Variants in SYBU observed in about 807,000 individuals in gnomAD.
The protein encoded by SYBU is syntabulin.
SYBU carries 21 observed loss-of-function variants against 35.9 expected under a neutral mutation model. That is an observed-to-expected ratio of 0.58 (90% CI 0.41 to 0.84). SYBU has a LOEUF of 0.84. Among genes scored for constraint, SYBU ranks in the 40% least tolerant of loss-of-function variants. SYBU has a pLI of 0.00. For synonymous variants in SYBU, 319 were observed against 324.3 expected (o/e 0.98, Z 0.18); for missense variants, 768 against 848.2 (o/e 0.91, Z 1.17).
intron 3 of SYBU, among the ~76,000 whole-genome samples, chr8:109,613,033 A>C (rs1001237024): frequency 6.6e-6 from 1 of 151,722 alleles, no homozygotes; most frequent in African/African-American, 2.4e-5. Flanking sequence ...AAAGGAAAAA[A>C]AGCACCACCT....
chr8:109,594,140 G>A (rs1824596290), intron 3 of SYBU, among the ~76,000 whole-genome samples: 1 of 152,196 alleles, frequency 6.6e-6, no homozygotes, highest in Non-Finnish European at 1.5e-5. Context: ...CCTACATCAG[G>A]AAGAGCAGCA....
chr8:109,685,900 C>A (rs1655605575), upstream of SYBU, among the ~76,000 whole-genome samples: 2 of 151,968 alleles, frequency 1.3e-5, no homozygotes, highest in African/African-American at 4.8e-5. Context: ...AAATTGACAA[C>A]CTTTAAATAT....
intron 4 of SYBU, chr8:109,580,239 A>G (rs77950894): frequency 0.017 from 8,353 of 503,042 alleles, 584 homozygotes; most frequent in African/African-American, 0.15. Flanking sequence ...GTTTCTGACC[A>G]TAAAGCTTTT....
chr8:109,575,775 T>G lies in SYBU; in HGVS notation c.1123A>C (p.Ser375Arg), dbSNP rs770126790. ...QNKKLESLLQSMEMAHSGSLR... is the reference protein window; with the variant it reads ...QNKKLESLLQRMEMAHSGSLR... ...GAGCCACTGTGTGCCATCTCCATGC[T>G]CTGAAGGAGAGACTCCAGCTTCTTG... The change falls in exon 7 of 7, where the codon AGC (serine) becomes CGC (arginine). Residue 375 changes from serine (S) to arginine (R), a missense_variant. Transcript: ENST00000276646. 6.2e-7 allele frequency: 1 copy of G among 1,614,036 alleles called. No homozygotes were observed. Among genetic ancestry groups the G allele is most frequent in the Non-Finnish European group, 8.5e-7 (1 of 1,180,026 alleles).
chr8:109,641,764 AAC>A (rs1232418342), intron 2 of SYBU, among the ~76,000 whole-genome samples: 1 of 152,258 alleles, frequency 6.6e-6, no homozygotes, highest in Admixed American at 6.5e-5. Flanking sequence ...CATCTTTAAA[AAC>A]AGTCATAGAA....
At chr8:109,635,623 A>T (rs1814139151) in intron 2 of SYBU, among the ~76,000 whole-genome samples, 1 of 152,198 alleles carries the variant, frequency 6.6e-6, no homozygotes, top group Non-Finnish European at 1.5e-5. Flanking sequence ...TTATTCATTC[A>T]GTGGAGATTT....
intron 2 of SYBU, among the ~76,000 whole-genome samples, chr8:109,638,791 T>C (rs111389635): frequency 9.9e-5 from 15 of 152,080 alleles, no homozygotes; most frequent in Admixed American, 2.6e-4. Context: ...AAGACTAGAA[T>C]GATGTCCAAG....
At chr8:109,598,643 A>G (rs939537008) in intron 3 of SYBU, among the ~76,000 whole-genome samples, 1 of 152,204 alleles carries the variant, frequency 6.6e-6, no homozygotes, top group Non-Finnish European at 1.5e-5. Context: ...CTAAACACTA[A>G]ATTTTTCTAA....
At chr8:109,654,601 G>A (rs1276557379) in intron 1 of SYBU, among the ~76,000 whole-genome samples, 1 of 152,086 alleles carries the variant, frequency 6.6e-6, no homozygotes, top group Non-Finnish European at 1.5e-5. Context: ...TTTACAGGCA[G>A]ATCTTATAGA....
chr8:109,576,042 T>C, intron 6 of SYBU, 29 bp from the exon 7 acceptor site: 1 of 844,638 alleles, frequency 1.2e-6, no homozygotes, highest in Non-Finnish European at 1.5e-6. Flanking sequence ...CATGGTTAAT[T>C]AAAAAAAAAA....
intron 1 of SYBU, among the ~76,000 whole-genome samples, chr8:109,679,803 C>A (rs951858605): frequency 5.9e-5 from 9 of 152,202 alleles, no homozygotes; most frequent in African/African-American, 1.9e-4. Flanking sequence ...GGCCAACAAC[C>A]TTTCCCCTCT....
chr8:109,625,063 A>C (rs1178870016), intron 2 of SYBU, among the ~76,000 whole-genome samples: 2 of 152,216 alleles, frequency 1.3e-5, no homozygotes, highest in Non-Finnish European at 2.9e-5. Context: ...ATTCTCTGTC[A>C]TACCAAGGAA....
chr8:109,691,467 C>G lies in SYBU; in HGVS notation c.-192G>C, dbSNP rs1587009180. 8 of 549,028 alleles carry G rather than the reference C, an allele frequency of 1.5e-5. No individual in the cohort carries two copies. Among genetic ancestry groups the G allele is most frequent in the South Asian group, 6.4e-5 (3 of 46,684 alleles). 34.0% of individuals were successfully genotyped at this position (549,028 alleles called of 1,614,324 possible). Reference sequence around the variant, plus strand: ...GTCGCTGCTGGTTTGCGCTCAGGCCCGGGGAGCCGGGCCCGGCCCGCTCCG... The same window carrying G: ...GTCGCTGCTGGTTTGCGCTCAGGCCGGGGGAGCCGGGCCCGGCCCGCTCCG... On this transcript the variant is annotated 5_prime_UTR_variant, in exon 1 of 8. Coordinates refer to the SYBU transcript ENST00000422135. The surrounding 1 kb of genome is among the most constrained non-coding windows in gnomAD (Gnocchi z 4.7).
chr8:109,670,899 G>T (rs77076745), intron 1 of SYBU, among the ~76,000 whole-genome samples: 7,565 of 152,072 alleles, frequency 0.05, 616 homozygotes, highest in African/African-American at 0.17. Context: ...AATAGAGTTA[G>T]AATGGAAGAG....
At chr8:109,660,307 T>C (rs1816513916) in intron 1 of SYBU, among the ~76,000 whole-genome samples, 1 of 152,234 alleles carries the variant, frequency 6.6e-6, no homozygotes, top group African/African-American at 2.4e-5. Flanking sequence ...TTACAAGTTA[T>C]TTTAACATTT....
intron 2 of SYBU, among the ~76,000 whole-genome samples, chr8:109,619,934 T>C (rs1812240648): frequency 1.3e-5 from 2 of 152,230 alleles, no homozygotes; most frequent in Admixed American, 6.5e-5. Flanking sequence ...AAATGATTTT[T>C]AGACTAGAAA....
At chr8:109,661,762 T>C (rs1816569650) in intron 1 of SYBU, among the ~76,000 whole-genome samples, 1 of 152,182 alleles carries the variant, frequency 6.6e-6, no homozygotes. Context: ...TCTGTTATTA[T>C]AGAGATGTGT....
At chr8:109,622,756 T>C (rs1445223206) in intron 2 of SYBU, among the ~76,000 whole-genome samples, 2 of 152,232 alleles carry the variant, frequency 1.3e-5, no homozygotes, top group Non-Finnish European at 2.9e-5. Flanking sequence ...ATTTTTAGCT[T>C]TTATAAGTTA....
intron 5 of SYBU, 120 bp from the exon 6 acceptor site, chr8:109,578,137 T>C: frequency 8.8e-7 from 1 of 1,133,416 alleles, no homozygotes; most frequent in East Asian, 2.5e-5. Context: ...TATGTTGAAC[T>C]TCTTACCCCA....
Sources: allele counts gnomAD v4.1 joint callset (sites outside exome capture counted in the v4.1 genomes callset), GRCh38; gene constraint gnomAD v4.1.1; non-coding constraint Gnocchi (gnomAD v3.1); transcripts MANE v1.5; gene names NCBI Gene and HGNC (gene_info 2026-07-23, HGNC 2026-07-21).